The following SLC14A2 variants were observed in gnomAD, a reference collection of about 807,000 sequenced individuals.
SLC14A2 encodes solute carrier family 14 member 2, also known as urea transporter 2.
In SLC14A2, 91 loss-of-function variants were observed where a neutral mutation model predicts 104.6. That is an observed-to-expected ratio of 0.87 (90% CI 0.73 to 1.04). The LOEUF (loss-of-function observed/expected upper bound fraction) is 1.04, where lower values mean the gene tolerates loss of function less well. SLC14A2 is among the 50% of genes least tolerant of loss of function. SLC14A2 has a pLI of 0.00. For synonymous variants in SLC14A2, 476 were observed against 466.4 expected (o/e 1.02, Z -0.27); for missense variants, 1,189 against 1,156.0 (o/e 1.03, Z -0.41).
intron 1 of SLC14A2, among the ~76,000 whole-genome samples, chr18:45,353,710 G>A (rs1197318449): frequency 6.6e-6 from 1 of 152,172 alleles, no homozygotes; most frequent in Non-Finnish European, 1.5e-5. Context: ...TGGTGCGTTT[G>A]AGAGAGTCTG....
rs1337189065 is a variant in SLC14A2, at chr18:45,330,513, C to CGTGGA, written c.-125+117322_-125+117323insGTGGA. ...GGAGTGATGAACGTGGAATGTTAGT[C>CGTGGA]ATGCCCTATCTTTGAGTGATAGAGG... On this transcript the variant is annotated intron_variant, in intron 1 of 20. Coordinates refer to the SLC14A2 transcript ENST00000586448. 5.0e-3 allele frequency among the ~76,000 whole-genome samples: 768 copies of CGTGGA among 152,324 alleles called. 6 individuals are homozygous for CGTGGA. The highest frequency in any genetic ancestry group is 0.018 in the African/African-American group (741 of 41,570).
At chr18:45,635,260 C>T (rs1484033079) in intron 5 of SLC14A2, among the ~76,000 whole-genome samples, 1 of 152,152 alleles carries the variant, frequency 6.6e-6, no homozygotes, top group Non-Finnish European at 1.5e-5. Flanking sequence ...TGGAAACACA[C>T]AGAAGCTTTC....
upstream of SLC14A2, among the ~76,000 whole-genome samples, chr18:45,613,104 G>A (rs563222611): frequency 5.7e-4 from 87 of 152,146 alleles, no homozygotes; most frequent in Non-Finnish European, 9.9e-4. Flanking sequence ...GCGCAATCTC[G>A]GCTCACTGCA....
At chr18:45,678,674 TG>T (rs1377526984) in intron 18 of SLC14A2, among the ~76,000 whole-genome samples, 3 of 152,234 alleles carry the variant, frequency 2.0e-5, no homozygotes, top group Non-Finnish European at 4.4e-5. Flanking sequence ...TTTTCATTTA[TG>T]GTTTATGCTG....
At chr18:45,231,174 T>C (rs1195288849) in intron 1 of SLC14A2, among the ~76,000 whole-genome samples, 1 of 152,120 alleles carries the variant, frequency 6.6e-6, no homozygotes, top group Admixed American at 6.6e-5. Flanking sequence ...AGCTGAAATA[T>C]TAACATCTTG....
At chr18:45,356,151 C>T (rs1360023641) in intron 1 of SLC14A2, among the ~76,000 whole-genome samples, 2 of 152,044 alleles carry the variant, frequency 1.3e-5, no homozygotes, top group Non-Finnish European at 2.9e-5. Flanking sequence ...GTAGTGTGAC[C>T]TCTGGTGGTC....
chr18:45,505,312 G>A (rs1283474631), intron 2 of SLC14A2, among the ~76,000 whole-genome samples: 1 of 152,092 alleles, frequency 6.6e-6, no homozygotes, highest in African/African-American at 2.4e-5. Context: ...ACATCCTTGT[G>A]ACAGCCTTTG....
chr18:45,511,710 G>A (rs954386556), intron 2 of SLC14A2, among the ~76,000 whole-genome samples: 3 of 152,194 alleles, frequency 2.0e-5, no homozygotes, highest in Non-Finnish European at 4.4e-5. Context: ...CATACAAAGG[G>A]AAGAGGAAAC....
intron 1 of SLC14A2, among the ~76,000 whole-genome samples, chr18:45,404,146 T>G (rs2086127579): frequency 6.6e-6 from 1 of 152,224 alleles, no homozygotes; most frequent in Admixed American, 6.5e-5. Context: ...TCCCATTGCT[T>G]TCCATCTGAA....
At chr18:45,386,996 C>T (rs893076608) in intron 1 of SLC14A2, among the ~76,000 whole-genome samples, 5 of 152,176 alleles carry the variant, frequency 3.3e-5, no homozygotes, top group African/African-American at 1.2e-4. Context: ...AACTTTATCT[C>T]CCTCTAGACC....
intron 1 of SLC14A2, among the ~76,000 whole-genome samples, chr18:45,444,948 C>A (rs143000151): frequency 2.6e-5 from 4 of 152,094 alleles, no homozygotes; most frequent in African/African-American, 9.7e-5. Context: ...GTATCTAATA[C>A]AATGACTGGT....
chr18:45,387,228 T>C (rs1446416443), intron 1 of SLC14A2, among the ~76,000 whole-genome samples: 3 of 152,200 alleles, frequency 2.0e-5, no homozygotes, highest in African/African-American at 7.2e-5. Flanking sequence ...ATGCTACTTA[T>C]ATCAGTCAAA....
intron 1 of SLC14A2, among the ~76,000 whole-genome samples, chr18:45,361,089 C>T (rs1026544930): frequency 6.6e-6 from 1 of 152,162 alleles, no homozygotes; most frequent in Non-Finnish European, 1.5e-5. Flanking sequence ...CTTGTCGTTC[C>T]TGTCAGACCA....
rs9964193 is a variant in SLC14A2 at position 45,667,819 on chromosome 18, C to T, written c.1718-14C>T. 713,910 of 1,608,308 alleles carry T rather than the reference C, an allele frequency of 0.44. 160,990 individuals carry two copies. The highest frequency in any genetic ancestry group is 0.51 in the Admixed American group (30,426 of 59,990). On this transcript the variant is annotated splice_polypyrimidine_tract_variant and intron_variant, in intron 13 of 19. Transcript: ENST00000255226. ...CTGAGCACTTGCCTACTTCCTGCCC[C>T]GGTTCCATTTCAGACAAGTCCCCAG...
intron 2 of SLC14A2, among the ~76,000 whole-genome samples, chr18:45,584,776 T>C (rs777680257): frequency 3.3e-5 from 5 of 152,224 alleles, no homozygotes; most frequent in Non-Finnish European, 4.4e-5. Flanking sequence ...CCTATGCTTC[T>C]ATAATCTGAC....
chr18:45,537,811 A>G (rs1268428099), intron 2 of SLC14A2, among the ~76,000 whole-genome samples: 1 of 152,232 alleles, frequency 6.6e-6, no homozygotes, highest in Non-Finnish European at 1.5e-5. Flanking sequence ...TCTATGGAGC[A>G]GCAGGTTGGG....
At chr18:45,290,557 G>A (rs1291175636) in intron 1 of SLC14A2, among the ~76,000 whole-genome samples, 2 of 152,130 alleles carry the variant, frequency 1.3e-5, no homozygotes, top group South Asian at 2.1e-4. Flanking sequence ...GGGCTGTGCT[G>A]TTCAACACAG....
intron 2 of SLC14A2, among the ~76,000 whole-genome samples, chr18:45,483,805 TA>T (rs1287572298): frequency 2.0e-5 from 3 of 152,214 alleles, no homozygotes. Context: ...CACTTGCTGA[TA>T]AAAACTACTG....
the SLC14A2 span, among the ~76,000 whole-genome samples, chr18:45,185,947 A>G: frequency 2.6e-5 from 4 of 152,204 alleles, no homozygotes; most frequent in Non-Finnish European, 4.4e-5. Context: ...AAAGAAAACC[A>G]CAGAATATTG....
Sources: gnomAD v4.1 joint callset for allele counts (sites outside exome capture counted in the v4.1 genomes callset) on GRCh38, gnomAD v4.1.1 for gene constraint, MANE v1.5 for transcripts, NCBI Gene and HGNC (gene_info 2026-07-23, HGNC 2026-07-21) for gene names.